The following SLC1A1 variants were observed in gnomAD, a reference collection of about 807,000 sequenced individuals.
SLC1A1 encodes excitatory amino acid transporter 3.
A neutral mutation model predicts 53.3 loss-of-function variants in SLC1A1; 43 were observed. That is an observed-to-expected ratio of 0.81 (90% CI 0.63 to 1.04). The LOEUF (loss-of-function observed/expected upper bound fraction) is 1.04. Among genes scored for constraint, SLC1A1 ranks in the 50% least tolerant of loss-of-function variants. SLC1A1 has a pLI of 0.00. For synonymous variants in SLC1A1, 307 were observed against 243.2 expected, an observed-to-expected ratio of 1.26 and a Z score of -2.44; for missense variants, 748 against 664.9, an observed-to-expected ratio of 1.12 and a Z score of -1.37.
intron 2 of SLC1A1, among the ~76,000 whole-genome samples, chr9:4,547,004 C>A (rs1196030425): frequency 6.6e-6 from 1 of 152,216 alleles, no homozygotes; most frequent in Non-Finnish European, 1.5e-5. Context: ...TGCAGCAAAC[C>A]CAAAACTCGA....
At chr9:4,548,265 A>T (rs1817647506) in intron 2 of SLC1A1, among the ~76,000 whole-genome samples, 2 of 152,250 alleles carry the variant, frequency 1.3e-5, no homozygotes, top group South Asian at 4.1e-4. Context: ...TACCCAGAAG[A>T]TGGCCGTGGA....
intron 2 of SLC1A1, among the ~76,000 whole-genome samples, chr9:4,550,730 AC>A (rs1817858761): frequency 6.6e-6 from 1 of 152,134 alleles, no homozygotes; most frequent in Non-Finnish European, 1.5e-5. Context: ...GCCTTATAAA[AC>A]CTTAGGTATA....
chr9:4,522,286 T>C (rs1816106541), intron 1 of SLC1A1, among the ~76,000 whole-genome samples: 1 of 151,890 alleles, frequency 6.6e-6, no homozygotes, highest in East Asian at 1.9e-4. Context: ...CTCCTGACCT[T>C]GTGATCTGCC....
chr9:4,568,417 C>CAAAAAAAAAA (rs761098688), intron 6 of SLC1A1, among the ~76,000 whole-genome samples: 2 of 105,872 alleles, frequency 1.9e-5, no homozygotes, highest in East Asian at 5.8e-4. Flanking sequence ...GACCCTGTCT[C>CAAAAAAAAAA]AAAAAAAAAA....
At chr9:4,539,621 G>A (rs191771012) in intron 1 of SLC1A1, among the ~76,000 whole-genome samples, 1 of 152,130 alleles carries the variant, frequency 6.6e-6, no homozygotes, top group East Asian at 1.9e-4. Flanking sequence ...ATCTAGGCTG[G>A]AGTACAGTGG....
chr9:4,531,918 T>C (rs201439047), intron 1 of SLC1A1, among the ~76,000 whole-genome samples: 1 of 152,052 alleles, frequency 6.6e-6, no homozygotes, highest in Non-Finnish European at 1.5e-5. Context: ...TGTTCTGCAG[T>C]CTCCGCTGCT....
rs1233278022 is a variant in SLC1A1, at chr9:4,522,041, TC to T, written c.92-22525del. ...TACTTCTAATGAATCAGAACCTGCC[TC>T]TTTTTTTTTTTCTTTTTTTTTTTTT... On this transcript the variant is annotated intron_variant, in intron 1 of 11. Coordinates refer to ENST00000262352, the MANE Select transcript of SLC1A1 (RefSeq NM_004170.6). 6.3e-3 allele frequency among the ~76,000 whole-genome samples: 579 copies of T among 92,190 alleles called. 7 individuals carry two copies. The highest frequency in any genetic ancestry group is 0.054 in the South Asian group (152 of 2,798). The allele number at this position is 92,190 out of a possible 152,430, so 60.5% of individuals were successfully genotyped here. A position where few individuals can be genotyped will look rare whatever the true frequency, so the allele number is the denominator to read the frequency against.
intron 10 of SLC1A1, among the ~76,000 whole-genome samples, chr9:4,578,163 T>C (rs984956933): frequency 2.0e-5 from 3 of 152,250 alleles, no homozygotes; most frequent in African/African-American, 2.4e-5. Flanking sequence ...TGGCTGCAGA[T>C]ACAGACATCA....
chr9:4,528,408 T>TA (rs1816342189), intron 1 of SLC1A1, among the ~76,000 whole-genome samples: 1 of 152,066 alleles, frequency 6.6e-6, no homozygotes, highest in African/African-American at 2.4e-5. Context: ...CCGTCTCTAC[T>TA]AAAAATACAA....
chr9:4,521,637 G>A (rs867192659), intron 1 of SLC1A1, among the ~76,000 whole-genome samples: 5 of 152,166 alleles, frequency 3.3e-5, no homozygotes, highest in African/African-American at 1.2e-4. Flanking sequence ...TGAGTTTGCT[G>A]TTTGAGACGG....
intron 10 of SLC1A1, among the ~76,000 whole-genome samples, chr9:4,579,943 G>A (rs908884339): frequency 1.3e-5 from 2 of 152,146 alleles, no homozygotes; most frequent in South Asian, 2.1e-4. Context: ...AATTAGGGCC[G>A]GAAGCGATGG....
chr9:4,568,743 G>A (rs537664602), intron 6 of SLC1A1, among the ~76,000 whole-genome samples: 1 of 151,798 alleles, frequency 6.6e-6, no homozygotes, highest in Admixed American at 6.6e-5. Flanking sequence ...ATATTGAAGT[G>A]GTCTCCAGTG....
intron 3 of SLC1A1, among the ~76,000 whole-genome samples, chr9:4,562,879 G>C (rs1195374712): frequency 6.7e-6 from 1 of 149,560 alleles, no homozygotes; most frequent in Non-Finnish European, 1.5e-5. Flanking sequence ...ATAAACATAC[G>C]TGTGCATGTG....
chr9:4,544,812 C>T (rs1322513734), intron 2 of SLC1A1, 105 bp downstream of exon 2: 2 of 981,760 alleles, frequency 2.0e-6, no homozygotes, highest in Non-Finnish European at 1.6e-6. Context: ...TTAATTGACT[C>T]ACAGTTCATC....
chr9:4,576,894 A>G (rs1362625751), intron 10 of SLC1A1, 131 bp downstream of exon 10: 4 of 875,574 alleles, frequency 4.6e-6, no homozygotes, highest in African/African-American at 1.6e-5. Flanking sequence ...TCCCTTCCCA[A>G]GATTAAATAC....
intron 1 of SLC1A1, among the ~76,000 whole-genome samples, chr9:4,513,582 T>G (rs1417848753): frequency 1.3e-5 from 2 of 152,196 alleles, no homozygotes; most frequent in African/African-American, 4.8e-5. Context: ...CAACTGGTAC[T>G]ATTAAACACT....
chr9:4,581,454 C>A (rs762638823), intron 10 of SLC1A1, among the ~76,000 whole-genome samples: 19 of 152,204 alleles, frequency 1.2e-4, no homozygotes, highest in Non-Finnish European at 1.8e-4. Flanking sequence ...GTCTGGTAAG[C>A]AAGGTCAAGG....
chr9:4,518,078 TA>T (rs997510403), intron 1 of SLC1A1, among the ~76,000 whole-genome samples: 4 of 150,694 alleles, frequency 2.7e-5, no homozygotes, highest in Non-Finnish European at 4.4e-5. Context: ...AAATAAATAA[TA>T]AAAAAACTTA....
intron 1 of SLC1A1, among the ~76,000 whole-genome samples, chr9:4,525,646 T>C (rs376744793): frequency 5.9e-5 from 9 of 152,000 alleles, no homozygotes; most frequent in Admixed American, 5.2e-4. Context: ...AAAATGATAG[T>C]GTGAAAAGGA....
Sources: allele counts gnomAD v4.1 joint callset (sites outside exome capture counted in the v4.1 genomes callset), GRCh38; gene constraint gnomAD v4.1.1; transcripts MANE v1.5; gene names NCBI Gene and HGNC (gene_info 2026-07-23, HGNC 2026-07-21).